Variants in ADAM33 observed in about 807,000 individuals in gnomAD.
The protein encoded by ADAM33 is ADAM metallopeptidase domain 33.
ADAM33 carries 103 observed loss-of-function variants against 106.2 expected under a neutral mutation model. The observed-to-expected ratio is 0.97, with a 90% CI of 0.83 to 1.14. The LOEUF (loss-of-function observed/expected upper bound fraction) is 1.14. ADAM33 is among the 50% of genes most tolerant of loss of function. ADAM33 has a pLI of 0.00. For synonymous variants in ADAM33, 483 were observed against 453.0 expected (o/e 1.07, Z -0.84); for missense variants, 1,120 against 1,096.6 (o/e 1.02, Z -0.30).
intron 20 of ADAM33, 69 bp downstream of exon 20, chr20:3,669,477 A>G (rs1282606417): frequency 3.2e-6 from 5 of 1,543,012 alleles, no homozygotes; most frequent in Non-Finnish European, 4.4e-6. Flanking sequence ...GCCCATCTGG[A>G]AGGAGGCAGG....
chr20:3,670,866 A>C (rs1441592425), intron 19 of ADAM33, 140 bp downstream of exon 19: 37 of 1,215,236 alleles, frequency 3.0e-5, no homozygotes, highest in Non-Finnish European at 3.7e-5. Flanking sequence ...GTTCAAAGCT[A>C]CTTCTTTCCA....
At chr20:3,680,371 G>T (rs1321569693) in intron 1 of ADAM33, among the ~76,000 whole-genome samples, 2 of 152,120 alleles carry the variant, frequency 1.3e-5, no homozygotes, top group Non-Finnish European at 2.9e-5. Context: ...TCCCAGAACA[G>T]ACAGCCTCCC....
At chr20:3,679,000 G>A (rs570269) in intron 2 of ADAM33, among the ~76,000 whole-genome samples, 92 of 152,044 alleles carry the variant, frequency 6.1e-4, no homozygotes, top group Admixed American at 1.3e-3. Context: ...CTGCCCCCCC[G>A]ATACCAGAAG....
chr20:3,670,861 A>G (rs2087486423), intron 19 of ADAM33, 145 bp downstream of exon 19: 2 of 1,253,886 alleles, frequency 1.6e-6, no homozygotes, highest in African/African-American at 1.5e-5. Context: ...CTCCTGTTCA[A>G]AGCTACTTCT....
At position 3,672,893 on chromosome 20, in the gene ADAM33, G is replaced by C; in HGVS notation, c.1139C>G (p.Pro380Arg). Reference sequence around the variant, plus strand: ...GCAGGCGCTGAACACGCGCGGAAACGGGTGCCTACCGGCACGGGGAGGGCA... The same window carrying C: ...GCAGGCGCTGAACACGCGCGGAAACCGGTGCCTACCGGCACGGGGAGGGCA... ...GCVMAAATGHPFPRVFSACSR... is the reference protein window; with the variant it reads ...GCVMAAATGHRFPRVFSACSR... Residue 380 changes from proline (P) to arginine (R), a missense_variant, in exon 12 of 22, where the codon CCG becomes CGG. Coordinates refer to ENST00000356518, the MANE Select transcript of ADAM33 (RefSeq NM_025220.5). The C allele has an allele frequency of 6.4e-7, 1 of 1,568,532 alleles. No individual in the cohort carries two copies. Among genetic ancestry groups the C allele is most frequent in the Non-Finnish European group, 8.6e-7 (1 of 1,167,200 alleles).
chr20:3,680,865 A>AGAGCTG (rs976280429), intron 1 of ADAM33, among the ~76,000 whole-genome samples: 3 of 152,170 alleles, frequency 2.0e-5, no homozygotes, highest in Non-Finnish European at 4.4e-5. Flanking sequence ...AGAGAGGGGC[A>AGAGCTG]GAGCTGGAGC....
intron 13 of ADAM33, 67 bp from the exon 14 acceptor site, chr20:3,672,396 A>C: frequency 6.3e-7 from 1 of 1,583,412 alleles, no homozygotes; most frequent in South Asian, 1.2e-5. Flanking sequence ...CCATGCCGAG[A>C]GCGCGGCTCG....
At position 3,674,284 on chromosome 20, in the gene ADAM33, C is replaced by T. The variant is rs1268267783; in HGVS notation, c.601G>A (p.Gly201Ser). 8.7e-6 allele frequency: 14 copies of T among 1,613,912 alleles called. No individual in the cohort carries two copies. Among genetic ancestry groups the T allele is most frequent in the Non-Finnish European group, 9.3e-6 (11 of 1,180,030 alleles). ...CGGGTCCTGCGCGCTTCTCGCCTGC[C>T]CTGCGGAGGTGCAAATGGGGACCCT... ...TSLPGGPQSRGRREARRTRKY... is the reference protein window; with the variant it reads ...TSLPGGPQSRSRREARRTRKY... The change falls in exon 7 of 22, where the codon GGC (glycine) becomes AGC (serine). Residue 201 changes from glycine (G) to serine (S), a missense_variant and splice_region_variant. By Grantham distance (56) the Gly-to-Ser change is moderately conservative. Transcript: ENST00000356518.
intron 15 of ADAM33, 30 bp from the exon 16 acceptor site, chr20:3,671,809 C>A: frequency 6.4e-7 from 1 of 1,552,146 alleles, no homozygotes; most frequent in Non-Finnish European, 8.7e-7. Context: ...GGGTCAACAG[C>A]TGCAGTACCC....
intron 11 of ADAM33, 153 bp from the exon 12 acceptor site, chr20:3,673,051 A>T: frequency 1.4e-6 from 2 of 1,437,932 alleles, no homozygotes; most frequent in Non-Finnish European, 1.8e-6. Context: ...CAAGCGGGAC[A>T]GGGGACGATG....
intron 1 of ADAM33, among the ~76,000 whole-genome samples, chr20:3,681,443 G>C (rs958169885): frequency 6.6e-5 from 10 of 152,204 alleles, no homozygotes; most frequent in Admixed American, 5.2e-4. Context: ...TGCAGCCTGA[G>C]AGCAAAGCAG....
chr20:3,673,877 G>T lies in ADAM33; in HGVS notation c.773C>A (p.Thr258Asn). ...CCGCTCGGTCCACACCTCCAGGCCGGTCAGCGCCACCTGAATGTCCAGAGT... is the reference window on the plus strand; with the variant it reads ...CCGCTCGGTCCACACCTCCAGGCCGTTCAGCGCCACCTGAATGTCCAGAGT... ...LRTLDIQVAL[T>N]GLEVWTERDR... Residue 258 changes from threonine to asparagine, a missense_variant, in exon 9 of 22, where the codon ACC (threonine) becomes AAC (asparagine). Coordinates refer to ENST00000356518, the MANE Select transcript of ADAM33 (RefSeq NM_025220.5). The T allele has an allele frequency of 6.4e-7, 1 of 1,563,332 alleles. No homozygotes were observed. Among genetic ancestry groups the T allele is most frequent in the Non-Finnish European group, 8.6e-7 (1 of 1,162,118 alleles).
At chr20:3,679,132 G>A (rs887994660) in intron 2 of ADAM33, among the ~76,000 whole-genome samples, 38 of 121,854 alleles carry the variant, frequency 3.1e-4, no homozygotes, top group African/African-American at 1.3e-3. Context: ...TTTTCTTTTT[G>A]GTGCTTTTTT....
Position 3,673,677 on chromosome 20 carries a change from G to A in ADAM33, c.906-19C>T. ...GCGGCCCCTGGGGGCGGAGCGCGGC[G>A]TGACCAGGCGGGGCCGGGAGGTGAG... On this transcript the variant is annotated intron_variant, in intron 9 of 21. Coordinates refer to ENST00000356518, the MANE Select transcript of ADAM33 (RefSeq NM_025220.5). 7.4e-7 allele frequency: 1 copy of A among 1,348,116 alleles called. No individual in the cohort carries two copies. Among genetic ancestry groups the A allele is most frequent in the Non-Finnish European group, 9.5e-7 (1 of 1,056,956 alleles). The allele number at this position is 1,348,116 out of a possible 1,614,324, so 83.5% of individuals were successfully genotyped here.
At chr20:3,679,442 G>A in intron 2 of ADAM33, 50 bp downstream of exon 2, 2 of 1,547,778 alleles carry the variant, frequency 1.3e-6, no homozygotes, top group Non-Finnish European at 8.8e-7. Context: ...GAGACAAAAG[G>A]GCTGGGAGGT....
At chr20:3,678,351 G>A (rs1010997574) in intron 2 of ADAM33, among the ~76,000 whole-genome samples, 1 of 152,196 alleles carries the variant, frequency 6.6e-6, no homozygotes, top group Admixed American at 6.5e-5. Flanking sequence ...CCCACCGGTG[G>A]GGGAAGCAGA....
In ADAM33 at chr20:3,668,858, G is replaced by A. The variant is rs2087346123; in HGVS notation, c.*105C>T. The stretch of plus-strand genomic sequence containing the variant: ...AGAAACTTCCAAGCTGCCTGCAGGT[G>A]CTGGAGGTCCGGTGATTCACTGGCT... On this transcript the variant is annotated 3_prime_UTR_variant, in exon 22 of 22. Coordinates refer to ENST00000356518, the MANE Select transcript of ADAM33 (RefSeq NM_025220.5). 7.3e-7 allele frequency: 1 copy of A among 1,364,814 alleles called. No homozygotes were observed. The highest frequency in any genetic ancestry group is 1.0e-6 in the Non-Finnish European group (1 of 958,606). 84.5% of individuals were successfully genotyped at this position (1,364,814 alleles called of 1,614,324 possible). A position where few individuals can be genotyped will look rare whatever the true frequency, so the allele number is the denominator to read the frequency against.
At chr20:3,681,184 C>G (rs2088460107) in intron 1 of ADAM33, among the ~76,000 whole-genome samples, 1 of 152,200 alleles carries the variant, frequency 6.6e-6, no homozygotes, top group East Asian at 1.9e-4. Context: ...ACTTGCTGTG[C>G]AGGACTGGCT....
intron 19 of ADAM33, chr20:3,670,245 C>G (rs2087444212): frequency 6.0e-6 from 1 of 165,334 alleles, no homozygotes; most frequent in African/African-American, 2.4e-5. Flanking sequence ...TTAGCTGCCA[C>G]CCGGGGCCCA....
Sources: allele counts gnomAD v4.1 joint callset (sites outside exome capture counted in the v4.1 genomes callset), GRCh38; gene constraint gnomAD v4.1.1; transcripts MANE v1.5; gene names NCBI Gene and HGNC (gene_info 2026-07-23, HGNC 2026-07-21).